The following ARB2A variants were observed in gnomAD, a reference collection of about 807,000 sequenced individuals.
ARB2A encodes the protein ARB2 cotranscriptional regulator A, also known as cotranscriptional regulator ARB2A.
chr5:93,727,072 T>A, the ARB2A span, among the ~76,000 whole-genome samples: 1 of 152,016 alleles, frequency 6.6e-6, no homozygotes, highest in Non-Finnish European at 1.5e-5. Context: ...CTGGCATAAT[T>A]AAAAGTAGTT....
At chr5:93,882,158 T>G in the ARB2A span, among the ~76,000 whole-genome samples, 1 of 151,404 alleles carries the variant, frequency 6.6e-6, no homozygotes, top group African/African-American at 2.4e-5. Flanking sequence ...TTTTTATTTG[T>G]CTGAACAATT....
At chr5:93,820,157 A>T in the ARB2A span, among the ~76,000 whole-genome samples, 79 of 152,378 alleles carry the variant, frequency 5.2e-4, no homozygotes, top group East Asian at 0.013. Context: ...AAATTACTTA[A>T]CATGTTTTAT....
the ARB2A span, among the ~76,000 whole-genome samples, chr5:93,906,940 T>C: frequency 6.6e-6 from 1 of 151,548 alleles, no homozygotes; most frequent in East Asian, 1.9e-4. Context: ...CCCTTGACAT[T>C]AGTATTAGCA....
At chr5:94,010,417 T>A in the ARB2A span, among the ~76,000 whole-genome samples, 1 of 152,166 alleles carries the variant, frequency 6.6e-6, no homozygotes, top group Non-Finnish European at 1.5e-5. Flanking sequence ...ATACATTTTA[T>A]GACTTTAATC....
the ARB2A span, among the ~76,000 whole-genome samples, chr5:93,758,278 G>C: frequency 2.0e-5 from 3 of 150,860 alleles, no homozygotes; most frequent in African/African-American, 4.9e-5. Context: ...AAATGAGATA[G>C]ACAGCAATAT....
chr5:93,690,846 C>G, the ARB2A span, among the ~76,000 whole-genome samples: 2 of 152,152 alleles, frequency 1.3e-5, no homozygotes, highest in Non-Finnish European at 2.9e-5. Context: ...GAGGAAGGAA[C>G]AGACAGCAAT....
chr5:93,740,980 T>C, the ARB2A span: 2 of 1,613,878 alleles, frequency 1.2e-6, no homozygotes, highest in South Asian at 1.1e-5. Context: ...GCCCAGAAGG[T>C]TCTCTGCTTC....
chr5:93,946,542 G>A, the ARB2A span, among the ~76,000 whole-genome samples: 2 of 152,150 alleles, frequency 1.3e-5, no homozygotes, highest in Admixed American at 6.5e-5. Flanking sequence ...TATTATGGTT[G>A]TAGTAGTACT....
At chr5:94,099,685 CAG>C in the ARB2A span, among the ~76,000 whole-genome samples, 2 of 96,958 alleles carry the variant, frequency 2.1e-5, no homozygotes, top group East Asian at 6.1e-4. Flanking sequence ...ATCACATAAA[CAG>C]AACTAAAGAC....
chr5:94,048,717 A>G, the ARB2A span, among the ~76,000 whole-genome samples: 1 of 152,188 alleles, frequency 6.6e-6, no homozygotes, highest in Non-Finnish European at 1.5e-5. Context: ...CCAATCTTCT[A>G]AAGGGGCTAT....
the ARB2A span, among the ~76,000 whole-genome samples, chr5:93,856,063 T>C: frequency 6.6e-6 from 1 of 152,034 alleles, no homozygotes; most frequent in Non-Finnish European, 1.5e-5. Context: ...GTTAAAAACT[T>C]TGAAAAAAAT....
the ARB2A span, among the ~76,000 whole-genome samples, chr5:93,640,613 T>A: frequency 1.3e-5 from 2 of 150,970 alleles, no homozygotes; most frequent in African/African-American, 4.9e-5. Context: ...TATGTATATA[T>A]ACTTATATAC....
the ARB2A span, among the ~76,000 whole-genome samples, chr5:93,905,009 T>C: frequency 6.6e-6 from 1 of 151,764 alleles, no homozygotes; most frequent in Non-Finnish European, 1.5e-5. Context: ...TCCTCAATTC[T>C]TGCTCTACAT....
At chr5:93,985,005 T>A in the ARB2A span, among the ~76,000 whole-genome samples, 1 of 152,346 alleles carries the variant, frequency 6.6e-6, no homozygotes, top group African/African-American at 2.4e-5. Flanking sequence ...TTCTATCTCC[T>A]ACAGGAAATC....
chr5:93,852,383 A>G, the ARB2A span, among the ~76,000 whole-genome samples: 2 of 151,582 alleles, frequency 1.3e-5, no homozygotes, highest in Non-Finnish European at 2.9e-5. Flanking sequence ...GATTGCAAAA[A>G]TTTTCTCCCA....
chr5:93,852,210 G>T, the ARB2A span, among the ~76,000 whole-genome samples: 1 of 152,088 alleles, frequency 6.6e-6, no homozygotes, highest in Non-Finnish European at 1.5e-5. Flanking sequence ...GCCAGTGATG[G>T]TGAGCATTTT....
the ARB2A span, chr5:93,683,710 T>C: frequency 5.0e-6 from 8 of 1,611,184 alleles, no homozygotes; most frequent in Non-Finnish European, 6.8e-6. Flanking sequence ...GTCCATCGAA[T>C]CTTCCATCGG....
At chr5:93,962,160 G>A in the ARB2A span, among the ~76,000 whole-genome samples, 1 of 152,048 alleles carries the variant, frequency 6.6e-6, no homozygotes, top group African/African-American at 2.4e-5. Flanking sequence ...TCATTCCAGC[G>A]AACCACCTCA....
chr5:94,089,390 T>G, the ARB2A span, among the ~76,000 whole-genome samples: 1 of 152,176 alleles, frequency 6.6e-6, no homozygotes, highest in Non-Finnish European at 1.5e-5. Context: ...GTCTTTATTT[T>G]TGTTCCTTTG....
Sources: allele counts gnomAD v4.1 joint callset (sites outside exome capture counted in the v4.1 genomes callset), GRCh38; gene constraint gnomAD v4.1.1; transcripts MANE v1.5; gene names NCBI Gene and HGNC (gene_info 2026-07-23, HGNC 2026-07-21).